The following DIS3L variants were observed in gnomAD, a reference collection of about 807,000 sequenced individuals.
DIS3L encodes DIS3-like exonuclease 1.
A neutral mutation model predicts 120.3 loss-of-function variants in DIS3L; 100 were observed. That is an observed-to-expected ratio of 0.83 (90% confidence interval 0.71 to 0.98). The LOEUF (loss-of-function observed/expected upper bound fraction) is 0.98, where lower values mean the gene tolerates loss of function less well. Ranked by LOEUF, DIS3L falls within the 50% of genes least tolerant of loss-of-function variation. The pLI is 0.00. For synonymous variants in DIS3L, 426 were observed against 470.6 expected (o/e 0.91, Z 1.23); for missense variants, 1,196 against 1,314.2 (o/e 0.91, Z 1.39).
intron 1 of DIS3L, 138 bp from the exon 2 acceptor site, chr15:66,294,850 A>G: frequency 2.2e-6 from 2 of 923,512 alleles, no homozygotes; most frequent in Non-Finnish European, 3.1e-6. Context: ...GGCCTCTACC[A>G]AAGTAGATTT....
Position 66,333,289 on chromosome 15 carries a change from G to A in DIS3L, c.3142G>A (p.Val1048Ile), listed in dbSNP as rs2093022835. 6.2e-7 allele frequency: 1 copy of A among 1,602,924 alleles called. No homozygotes were observed. The highest frequency in any genetic ancestry group is 8.5e-7 in the Non-Finnish European group (1 of 1,176,544). ...GATACGGGACCTAGCTCTCCTGGAT[G>A]TTTCAAACAATTATGGAATATGAGA... ...EEIRDLALLDVSNNYGI is the reference protein window; with the variant it reads ...EEIRDLALLDISNNYGI The change falls in exon 17 of 17, where the codon GTT (valine) becomes ATT (isoleucine). Residue 1048 changes from valine (V) to isoleucine (I), a missense_variant. Physicochemically the swap from Val to Ile is conservative, Grantham distance 29. Coordinates refer to ENST00000319212, the MANE Select transcript of DIS3L (RefSeq NM_001143688.3).
intron 11 of DIS3L, 114 bp downstream of exon 11, chr15:66,323,699 C>T (rs2092909630): frequency 2.7e-6 from 3 of 1,098,082 alleles, no homozygotes; most frequent in Non-Finnish European, 4.1e-6. Context: ...AGCCCTGTGT[C>T]TCCCCTCTGA....
intron 5 of DIS3L, among the ~76,000 whole-genome samples, chr15:66,313,385 T>C (rs1198179216): frequency 6.6e-6 from 1 of 152,130 alleles, no homozygotes; most frequent in Non-Finnish European, 1.5e-5. Flanking sequence ...TTTGTATAGC[T>C]AAGAGTAGTT....
In DIS3L at chr15:66,332,862, T is replaced by A; in HGVS notation, c.2808T>A (p.Thr936=). ...LQRFQNKITS[T]TTDGESVTFH... ...GATTTCAAAACAAAATTACCTCTAC[T>A]ACAACAGATGGGGAATCTGTTACGT... The change falls in exon 16 of 17, where the codon ACT becomes ACA. Residue 936 remains threonine (T), a synonymous_variant. Transcript: ENST00000319212. 6.2e-7 allele frequency: 1 copy of A among 1,613,950 alleles called. No individual in the cohort carries two copies. The highest frequency in any genetic ancestry group is 8.5e-7 in the Non-Finnish European group (1 of 1,179,924).
chr15:66,323,236 T>C (rs2092904117), intron 10 of DIS3L, among the ~76,000 whole-genome samples: 1 of 152,260 alleles, frequency 6.6e-6, no homozygotes, highest in Non-Finnish European at 1.5e-5. Context: ...CAGTTTTTCT[T>C]ATACGACAAA....
intron 14 of DIS3L, chr15:66,329,640 A>G (rs2092978097): frequency 1.7e-6 from 2 of 1,194,618 alleles, no homozygotes; most frequent in Non-Finnish European, 2.1e-6. Context: ...CAAGCAACGC[A>G]TAAAGATATG....
intron 2 of DIS3L, among the ~76,000 whole-genome samples, chr15:66,297,066 A>C (rs1189314859): frequency 6.6e-6 from 1 of 152,212 alleles, no homozygotes; most frequent in African/African-American, 2.4e-5. Flanking sequence ...GAAATCAGCA[A>C]ATTTGGGACT....
Position 66,308,737 on chromosome 15 carries a change from TATC to T in DIS3L, c.456_458del (p.His153del), listed in dbSNP as rs1389269965. On this transcript the variant is annotated inframe_deletion, in exon 4 of 17. Coordinates refer to ENST00000319212, the MANE Select transcript of DIS3L (RefSeq NM_001143688.3). Reference sequence around the variant, plus strand: ...CATATACAACGCAGCTGTTTGGTACTATCATCACTGCCAGGACAGGATGCCAAT... The same window carrying T: ...CATATACAACGCAGCTGTTTGGTACTATCACTGCCAGGACAGGATGCCAAT... 1.9e-6 allele frequency: 3 copies of T among 1,613,276 alleles called. No homozygotes were observed. The highest frequency in any genetic ancestry group is 2.5e-6 in the Non-Finnish European group (3 of 1,179,436).
chr15:66,315,754 C>T (rs970273321), intron 7 of DIS3L, among the ~76,000 whole-genome samples: 2 of 152,198 alleles, frequency 1.3e-5, no homozygotes, highest in African/African-American at 4.8e-5. Flanking sequence ...ACTCCACGTT[C>T]TCTCTTCCTC....
chr15:66,306,343 G>A (rs556443821), intron 2 of DIS3L, among the ~76,000 whole-genome samples: 1 of 152,290 alleles, frequency 6.6e-6, no homozygotes, highest in East Asian at 1.9e-4. Context: ...AAAATTCACA[G>A]ATAAATCCCC....
At chr15:66,308,148 C>T (rs181715867) in intron 3 of DIS3L, among the ~76,000 whole-genome samples, 11 of 152,254 alleles carry the variant, frequency 7.2e-5, no homozygotes, top group African/African-American at 2.4e-4. Context: ...CCAGCCTGGG[C>T]GACAGAGTAA....
intron 14 of DIS3L, 164 bp downstream of exon 14, chr15:66,329,563 G>T: frequency 4.6e-6 from 6 of 1,311,384 alleles, no homozygotes; most frequent in South Asian, 2.4e-5. Flanking sequence ...GGTAACTTGT[G>T]GATTTGGGAG....
intron 2 of DIS3L, among the ~76,000 whole-genome samples, chr15:66,301,739 A>T (rs74019579): frequency 6.6e-6 from 1 of 152,334 alleles, no homozygotes; most frequent in African/African-American, 2.4e-5. Context: ...ACTATATCAT[A>T]TGTATGCGCT....
In DIS3L at chr15:66,309,324, T is replaced by G. The variant is rs545383568; in HGVS notation, c.558+480T>G. 4.0e-5 allele frequency among the ~76,000 whole-genome samples: 6 copies of G among 151,640 alleles called. No homozygotes were observed. The East Asian group carries it at 1.2e-3, about 29-fold the overall frequency. ...GACTTTCACAAATTCAGACCAACTT[T>G]GACTATAAGGCCCACAGCATCTAAT... is the stretch of plus-strand genomic sequence containing the variant. On this transcript the variant is annotated intron_variant, in intron 4 of 16. Transcript: ENST00000319212.
At chr15:66,332,069 G>A in intron 15 of DIS3L, 49 bp downstream of exon 15, 4 of 1,537,912 alleles carry the variant, frequency 2.6e-6, no homozygotes, top group Non-Finnish European at 3.5e-6. Context: ...AGTTAAAAGT[G>A]TAGAACACAA....
At chr15:66,298,985 G>A (rs755179919) in intron 2 of DIS3L, among the ~76,000 whole-genome samples, 21 of 152,202 alleles carry the variant, frequency 1.4e-4, no homozygotes, top group Admixed American at 5.9e-4. Flanking sequence ...CACAGGGATG[G>A]GGCGCCAGGA....
chr15:66,315,321 T>A, intron 7 of DIS3L, 106 bp downstream of exon 7: 1 of 1,124,752 alleles, frequency 8.9e-7, no homozygotes, highest in Non-Finnish European at 1.2e-6. Flanking sequence ...TTATTTATTT[T>A]ATTTAAATTG....
chr15:66,311,549 G>T (rs1481520944), intron 4 of DIS3L, among the ~76,000 whole-genome samples, 175 bp from the exon 5 acceptor site: 1 of 152,102 alleles, frequency 6.6e-6, no homozygotes, highest in East Asian at 1.9e-4. Flanking sequence ...GCAGGCTCAG[G>T]GGTTAATGTG....
Position 66,318,615 on chromosome 15 carries a change from C to T in DIS3L, c.1161C>T (p.Leu387=). 6.2e-7 allele frequency: 1 copy of T among 1,613,768 alleles called. No individual in the cohort carries two copies. Residue 387 remains leucine (L), a synonymous_variant, in exon 8 of 17, where the codon CTC becomes CTT. Coordinates refer to ENST00000319212, the MANE Select transcript of DIS3L (RefSeq NM_001143688.3). Reference sequence around the variant, plus strand: ...TTAGCACTCAGCAAGCAGAAACCCTCCAGGTAGTTGGCATTCTACCTCTAC... The same window carrying T: ...TTAGCACTCAGCAAGCAGAAACCCTTCAGGTAGTTGGCATTCTACCTCTAC... ...IRISTQQAET[L]QDFRVVVRID...
Sources: gnomAD v4.1 joint callset for allele counts (sites outside exome capture counted in the v4.1 genomes callset) on GRCh38, gnomAD v4.1.1 for gene constraint, MANE v1.5 for transcripts, NCBI Gene and HGNC (gene_info 2026-07-23, HGNC 2026-07-21) for gene names.